The following FARP1 variants were observed in gnomAD, a reference collection of about 807,000 sequenced individuals.
FARP1 encodes the protein FERM, ARH/RhoGEF and pleckstrin domain protein 1.
In FARP1, 52 loss-of-function variants were observed where a neutral mutation model predicts 128.8. That is an observed-to-expected ratio of 0.40 (90% CI 0.32 to 0.51). The LOEUF (loss-of-function observed/expected upper bound fraction) is 0.51, where lower values mean the gene tolerates loss of function less well. FARP1 is among the 20% of genes least tolerant of loss of function. The pLI, the probability that FARP1 is intolerant of heterozygous loss-of-function variation, is 0.45. For synonymous variants in FARP1, 580 were observed against 551.8 expected (o/e 1.05, Z -0.72); for missense variants, 1,333 against 1,367.9 (o/e 0.97, Z 0.40).
chr13:98,338,898 A>G (rs1462581713), intron 2 of FARP1: 2 of 152,232 alleles, frequency 1.3e-5, no homozygotes, highest in Admixed American at 6.5e-5. Flanking sequence ...CATTTTCTTA[A>G]TGAAATACAA....
chr13:98,291,831 G>T (rs1353915710), intron 2 of FARP1, among the ~76,000 whole-genome samples: 3 of 152,238 alleles, frequency 2.0e-5, no homozygotes, highest in African/African-American at 7.2e-5. Flanking sequence ...TCAAAGAACA[G>T]TCTGTGTAAA....
intron 2 of FARP1, among the ~76,000 whole-genome samples, chr13:98,334,719 T>G (rs1230088827): frequency 6.6e-6 from 1 of 152,214 alleles, no homozygotes; most frequent in Non-Finnish European, 1.5e-5. Flanking sequence ...GTCATGAAGA[T>G]GGAGCTCTGA....
chr13:98,248,072 C>T (rs1271287777), intron 2 of FARP1, among the ~76,000 whole-genome samples: 8 of 152,254 alleles, frequency 5.3e-5, no homozygotes, highest in South Asian at 4.2e-4. Flanking sequence ...ATCAGAGAGG[C>T]GGGTACCTCG....
At chr13:98,226,883 G>A (rs1356087762) in intron 2 of FARP1, among the ~76,000 whole-genome samples, 2 of 152,020 alleles carry the variant, frequency 1.3e-5, no homozygotes, top group Non-Finnish European at 2.9e-5. Flanking sequence ...TAGTGGGAGA[G>A]TGCGAGTTTG....
chr13:98,303,896 A>G (rs1325268937), intron 2 of FARP1, among the ~76,000 whole-genome samples: 2 of 152,216 alleles, frequency 1.3e-5, no homozygotes, highest in Non-Finnish European at 2.9e-5. Flanking sequence ...TGATTGAAAG[A>G]CCTGAAAGTT....
At chr13:98,266,977 G>A (rs1043490719) in intron 2 of FARP1, among the ~76,000 whole-genome samples, 4 of 124,154 alleles carry the variant, frequency 3.2e-5, no homozygotes, top group Admixed American at 2.1e-4. Context: ...TCACACCACT[G>A]TACTCCAGCC....
intron 1 of FARP1, among the ~76,000 whole-genome samples, chr13:98,211,374 G>T (rs74108698): frequency 6.6e-6 from 1 of 152,162 alleles, no homozygotes; most frequent in African/African-American, 2.4e-5. Context: ...TAGATTGTGC[G>T]CTCCTTATGA....
At chr13:98,322,524 C>G (rs1887041047) in intron 2 of FARP1, among the ~76,000 whole-genome samples, 1 of 152,128 alleles carries the variant, frequency 6.6e-6, no homozygotes, top group African/African-American at 2.4e-5. Context: ...CCATGCTGCA[C>G]CATCATCCCT....
chr13:98,440,780 G>A lies in FARP1; in HGVS notation c.2740G>A (p.Val914Met), dbSNP rs1396991420. 6.2e-7 allele frequency: 1 copy of A among 1,613,048 alleles called. No homozygotes were observed. The highest frequency in any genetic ancestry group is 1.7e-5 in the Admixed American group (1 of 59,984). ...APHRGNTMVH[V>M]CWHRNTSVSM... ...GCACCGCGGCAACACAATGGTGCAC[G>A]TGTGCTGGCACCGCAACACCAGCGT... The change falls in exon 24 of 27, where the codon GTG becomes ATG. Residue 914 changes from valine to methionine, a missense_variant. By Grantham distance (21) the Val-to-Met change is conservative. Transcript: ENST00000319562.
At chr13:98,401,573 T>A (rs1890772231) in intron 13 of FARP1, 1 of 152,026 alleles carries the variant, frequency 6.6e-6, no homozygotes, top group Admixed American at 6.6e-5. Context: ...TTTCCAAGCA[T>A]TTCCCCATGA....
At chr13:98,184,660 C>T (rs1474838744) in intron 1 of FARP1, among the ~76,000 whole-genome samples, 3 of 152,018 alleles carry the variant, frequency 2.0e-5, no homozygotes, top group Non-Finnish European at 4.4e-5. Flanking sequence ...ATCCTGCTTC[C>T]GCCTTTGGTG....
chr13:98,246,957 T>C (rs1883100870), intron 2 of FARP1, among the ~76,000 whole-genome samples: 1 of 152,184 alleles, frequency 6.6e-6, no homozygotes, highest in Admixed American at 6.5e-5. Flanking sequence ...GGGGCACAGT[T>C]GCTCACGCCT....
intron 13 of FARP1, 143 bp downstream of exon 13, chr13:98,395,619 C>T (rs1433376324): frequency 9.7e-7 from 1 of 1,035,440 alleles, no homozygotes; most frequent in African/African-American, 1.6e-5. Context: ...AAACAAATGA[C>T]AATTATGAGG....
chr13:98,149,645 T>TTTTATA (rs55900120), intron 1 of FARP1, among the ~76,000 whole-genome samples: 118,135 of 151,266 alleles, frequency 0.78, 50,494 homozygotes, highest in East Asian at 1. Context: ...TGTGGTTTTG[T>TTTTATA]TTTTCCTGAT....
At chr13:98,146,589 C>G (rs1005028417) in intron 1 of FARP1, among the ~76,000 whole-genome samples, 2 of 152,196 alleles carry the variant, frequency 1.3e-5, no homozygotes, top group African/African-American at 4.8e-5. Flanking sequence ...TGTAACTGGC[C>G]TTGCTTATTG....
At chr13:98,226,594 C>A (rs959536330) in intron 2 of FARP1, among the ~76,000 whole-genome samples, 5 of 151,954 alleles carry the variant, frequency 3.3e-5, no homozygotes, top group African/African-American at 4.8e-5. Context: ...GCTGCTGTGA[C>A]TTCTAGCTGT....
At chr13:98,305,182 T>A (rs1461471055) in intron 2 of FARP1, among the ~76,000 whole-genome samples, 1 of 147,812 alleles carries the variant, frequency 6.8e-6, no homozygotes, top group Non-Finnish European at 1.5e-5. Flanking sequence ...GGGAAAATCC[T>A]TTCCTCATTC....
intron 2 of FARP1, among the ~76,000 whole-genome samples, chr13:98,255,960 GAACAT>G (rs2139512342): frequency 6.6e-6 from 1 of 152,318 alleles, no homozygotes; most frequent in South Asian, 2.1e-4. Flanking sequence ...CAATCTGTCT[GAACAT>G]TAGAAACACC....
intron 2 of FARP1, among the ~76,000 whole-genome samples, chr13:98,261,309 G>A (rs1303848450): frequency 6.0e-5 from 9 of 151,012 alleles, no homozygotes; most frequent in Admixed American, 5.3e-4. Flanking sequence ...GGTGACTACA[G>A]CAACTGGGGG....
Sources: allele counts gnomAD v4.1 joint callset (sites outside exome capture counted in the v4.1 genomes callset), GRCh38; gene constraint gnomAD v4.1.1; transcripts MANE v1.5; gene names NCBI Gene and HGNC (gene_info 2026-07-23, HGNC 2026-07-21).